The following AMY2B variants were observed in gnomAD, a reference collection of about 807,000 sequenced individuals.
AMY2B encodes the protein alpha-amylase 2B.
A neutral mutation model predicts 59.3 loss-of-function variants in AMY2B; 63 were observed. That is an observed-to-expected ratio of 1.06 (90% CI 0.87 to 1.31). AMY2B has a LOEUF of 1.31. Among genes scored for constraint, AMY2B ranks in the 50% most tolerant of loss-of-function variants. The pLI, the probability that AMY2B is intolerant of heterozygous loss-of-function variation, is 0.00. For missense variants in AMY2B, 635 were observed against 626.7 expected, an observed-to-expected ratio of 1.01 and a Z score of -0.14; for synonymous variants, 180 against 198.1, an observed-to-expected ratio of 0.91 and a Z score of 0.77.
chr1:103,574,172 A>C, intron 4 of AMY2B, 88 bp from the exon 5 acceptor site: 1 of 1,567,948 alleles, frequency 6.4e-7, no homozygotes, highest in Non-Finnish European at 8.6e-7. Flanking sequence ...AAATAGCTTA[A>C]AGCTATCTTT....
At chr1:103,562,365 C>T (rs953016045) in intron 1 of AMY2B, among the ~76,000 whole-genome samples, 6 of 152,124 alleles carry the variant, frequency 3.9e-5, no homozygotes, top group African/African-American at 1.4e-4. Flanking sequence ...CTTTACATTG[C>T]AACTTATCCT....
At chr1:103,576,340 C>G (rs1652353031) in intron 7 of AMY2B, among the ~76,000 whole-genome samples, 1 of 152,138 alleles carries the variant, frequency 6.6e-6, no homozygotes, top group African/African-American at 2.4e-5. Context: ...GCAACTGATT[C>G]TATTGTTAAA....
At chr1:103,572,337 A>C (rs1386340619) in intron 2 of AMY2B, 81 bp downstream of exon 2, 1 of 1,543,878 alleles carries the variant, frequency 6.5e-7, no homozygotes, top group South Asian at 1.3e-5. Flanking sequence ...TTTTCAGCAG[A>C]AAGTTTTCCA....
chr1:103,566,320 A>AAGTCACT (rs1651911369), intron 2 of AMY2B, among the ~76,000 whole-genome samples: 1 of 152,098 alleles, frequency 6.6e-6, no homozygotes, highest in African/African-American at 2.4e-5. Flanking sequence ...CCCTTCTCTA[A>AAGTCACT]CTGAACATAA....
chr1:103,577,340 G>A, intron 7 of AMY2B, 150 bp from the exon 8 acceptor site: 7 of 1,413,748 alleles, frequency 5.0e-6, no homozygotes, highest in Non-Finnish European at 6.8e-6. Context: ...ACCCAGTAAA[G>A]GGCTATAAAA....
chr1:103,568,210 G>A (rs570018513), upstream of AMY2B: 9 of 152,260 alleles, frequency 5.9e-5, no homozygotes, highest in East Asian at 1.7e-3. Context: ...CACCTACAGT[G>A]CTTAGCAAAA....
chr1:103,572,349 A>G (rs1321263275), intron 2 of AMY2B, 93 bp downstream of exon 2: 3 of 1,528,914 alleles, frequency 2.0e-6, no homozygotes, highest in East Asian at 4.6e-5. Flanking sequence ...AGTTTTCCAT[A>G]TTTTATTTTT....
At chr1:103,565,667 C>T (rs1165367087) in intron 2 of AMY2B, 3 of 152,020 alleles carry the variant, frequency 2.0e-5, no homozygotes, top group Non-Finnish European at 4.4e-5. Flanking sequence ...CCCAGTCAAA[C>T]TTTGCTTGTG....
intron 1 of AMY2B, among the ~76,000 whole-genome samples, chr1:103,560,308 G>T (rs1325993307): frequency 6.6e-6 from 1 of 152,112 alleles, no homozygotes; most frequent in Non-Finnish European, 1.5e-5. Flanking sequence ...TAGTCAGAGA[G>T]TCAAACATTT....
intron 3 of AMY2B, 58 bp from the exon 4 acceptor site, chr1:103,573,650 G>C (rs769297393): frequency 2.2e-5 from 35 of 1,603,266 alleles, no homozygotes; most frequent in Non-Finnish European, 3.0e-5. Context: ...TAATCAAATG[G>C]ATTCTCATGT....
At position 103,579,313 on chromosome 1, in the gene AMY2B, C is replaced by T; in HGVS notation, c.1349C>T (p.Thr450Ile). Residue 450 changes from threonine to isoleucine, a missense_variant and splice_region_variant, in exon 10 of 10, where the codon ACA (threonine) becomes ATA (isoleucine). Physicochemically the swap from Thr to Ile is moderately conservative, Grantham distance 89. Transcript: ENST00000684275. ...GFIVFNNDDWTFSLTLQTGLP... is the reference protein window; with the variant it reads ...GFIVFNNDDWIFSLTLQTGLP... Reference sequence around the variant, plus strand: ...AAATCTGAAATTTTATTTTACAGGACATTTTCTTTAACTTTGCAAACTGGT... The same window carrying T: ...AAATCTGAAATTTTATTTTACAGGATATTTTCTTTAACTTTGCAAACTGGT... 6.2e-7 allele frequency: 1 copy of T among 1,611,620 alleles called. No individual in the cohort carries two copies. The highest frequency in any genetic ancestry group is 8.5e-7 in the Non-Finnish European group (1 of 1,179,646).
At chr1:103,570,255 C>A, upstream of AMY2B, 1 of 544,216 alleles carries the variant, frequency 1.8e-6, no homozygotes, top group Non-Finnish European at 3.7e-6. Context: ...CCTCCTCCTC[C>A]CTGGAGAAGA....
At chr1:103,555,803 G>A (rs544834770) in intron 1 of AMY2B, among the ~76,000 whole-genome samples, 1 of 152,208 alleles carries the variant, frequency 6.6e-6, no homozygotes, top group South Asian at 2.1e-4. Context: ...TGTTAATGGA[G>A]GGCAATGTAG....
intron 3 of AMY2B, 27 bp downstream of exon 3, chr1:103,573,287 A>G (rs1300448299): frequency 6.2e-7 from 1 of 1,613,352 alleles, no homozygotes; most frequent in Non-Finnish European, 8.5e-7. Context: ...GAGTCATCTG[A>G]ATAAGGGGTG....
chr1:103,571,701 A>G lies in AMY2B; in HGVS notation c.99A>G (p.Glu33=). 6.2e-6 allele frequency: 10 copies of G among 1,611,944 alleles called. No individual in the cohort carries two copies. The highest frequency in any genetic ancestry group is 8.5e-6 in the Non-Finnish European group (10 of 1,179,810). The change falls in exon 1 of 10, where the codon GAA becomes GAG. Residue 33 remains glutamate, a synonymous_variant. Coordinates refer to ENST00000684275, the MANE Select transcript of AMY2B (RefSeq NM_001387437.1). ...QGRTSIVHLF[E]WRWVDIALEC... ...GGACATCTATTGTTCATCTGTTTGA[A>G]TGGCGATGGGTTGATATTGCTCTTG... is the stretch of plus-strand genomic sequence containing the variant.
chr1:103,555,489 T>G, intron 1 of AMY2B, among the ~76,000 whole-genome samples: 1 of 152,124 alleles, frequency 6.6e-6, no homozygotes, highest in East Asian at 1.9e-4. Flanking sequence ...TTATCCCAAT[T>G]TAGAAATTTG....
chr1:103,557,534 G>T (rs1651597086), intron 1 of AMY2B, among the ~76,000 whole-genome samples: 1 of 151,784 alleles, frequency 6.6e-6, no homozygotes, highest in Non-Finnish European at 1.5e-5. Flanking sequence ...CATGCCTGTG[G>T]TCCCAGCTAC....
In AMY2B at chr1:103,577,564, T is replaced by C. The variant is rs962242431; in HGVS notation, c.1176T>C (p.Thr392=). 5 of 1,611,846 alleles carry C rather than the reference T, an allele frequency of 3.1e-6. No homozygotes were observed. The highest frequency in any genetic ancestry group is 4.2e-6 in the Non-Finnish European group (5 of 1,179,826). The change falls in exon 8 of 10, where the codon ACT becomes ACC. Residue 392 remains threonine, a synonymous_variant. Coordinates refer to ENST00000684275, the MANE Select transcript of AMY2B (RefSeq NM_001387437.1). ...AAGTTACTATTAATCCAGACACTAC[T>C]TGTGGCAATGACTGGGTCTGTGAAC... The part of the protein sequence containing the change: ...IKEVTINPDT[T]CGNDWVCEHR...
chr1:103,556,427 A>G lies in AMY2B; in HGVS notation c.-207+1318A>G, dbSNP rs1430616345. Among the ~76,000 whole-genome samples the G allele has an allele frequency of 2.6e-5, 4 of 152,198 alleles. No individual in the cohort carries two copies. The East Asian group carries it at 5.8e-4, about 22-fold the overall frequency. ...GTGAGAAAATAAAGAAGGTTGAGAC[A>G]GTGGAAAATGGTATCATCAATTGTA... On this transcript the variant is annotated intron_variant, in intron 1 of 11. Coordinates refer to the AMY2B transcript ENST00000361355.
Sources: gnomAD v4.1 joint callset for allele counts (sites outside exome capture counted in the v4.1 genomes callset) on GRCh38, gnomAD v4.1.1 for gene constraint, MANE v1.5 for transcripts, NCBI Gene and HGNC (gene_info 2026-07-23, HGNC 2026-07-21) for gene names.